The following KIF6 variants were observed in gnomAD, a reference collection of about 807,000 sequenced individuals.
The protein encoded by KIF6 is kinesin family member 6, also known as kinesin-like protein KIF6.
KIF6 carries 106 observed loss-of-function variants against 112.7 expected under a neutral mutation model. The observed-to-expected ratio is 0.94, with a 90% CI of 0.80 to 1.11. The LOEUF is 1.11. KIF6 is among the 50% of genes least tolerant of loss of function. The probability of loss-of-function intolerance (pLI) is 0.00; values close to 1 mark genes in which losing one functional copy is unlikely to be tolerated. For synonymous variants in KIF6, 339 were observed against 339.9 expected, an observed-to-expected ratio of 1.00 and a Z score of 0.03; for missense variants, 929 against 964.0, an observed-to-expected ratio of 0.96 and a Z score of 0.48.
intron 16 of KIF6, among the ~76,000 whole-genome samples, chr6:39,367,601 C>T (rs1294171064): frequency 6.6e-6 from 1 of 152,072 alleles, no homozygotes; most frequent in Non-Finnish European, 1.5e-5. Context: ...CACAGACGCA[C>T]AGTCCCAGGC....
chr6:39,720,532 G>A (rs1790149071), intron 2 of KIF6, among the ~76,000 whole-genome samples, 170 bp downstream of exon 2: 1 of 152,026 alleles, frequency 6.6e-6, no homozygotes, highest in Admixed American at 6.6e-5. Context: ...TTTTGACCTT[G>A]GGCACAGCAG....
intron 14 of KIF6, among the ~76,000 whole-genome samples, chr6:39,430,807 C>A (rs1320415978): frequency 1.3e-5 from 2 of 152,200 alleles, no homozygotes; most frequent in African/African-American, 4.8e-5. Flanking sequence ...TTGTAAATCA[C>A]GTTGATACTG....
intron 16 of KIF6, among the ~76,000 whole-genome samples, chr6:39,375,451 C>A (rs1267251883): frequency 6.6e-6 from 1 of 152,060 alleles, no homozygotes. Flanking sequence ...ACAATGTACC[C>A]CCAAAATATA....
chr6:39,340,086 G>A (rs1763240916), intron 22 of KIF6, among the ~76,000 whole-genome samples: 1 of 152,180 alleles, frequency 6.6e-6, no homozygotes, highest in South Asian at 2.1e-4. Context: ...GCCACATGGT[G>A]GGACCAGAAC....
In KIF6 at chr6:39,633,185, C is replaced by T. The variant is rs9369130; in HGVS notation, c.509+1664G>A. Among the ~76,000 whole-genome samples, 2,160 of 152,038 alleles carry T rather than the reference C, an allele frequency of 0.014. 110 individuals are homozygous for T. The East Asian group carries it at 0.15, about 11-fold the overall frequency. On this transcript the variant is annotated intron_variant, in intron 5 of 22. Transcript: ENST00000287152. ...TTAAAAATTATTTGTGGAATTGAAA[C>T]TGTGAAGCAGACGTTTTGAAATGAG...
intron 4 of KIF6, 140 bp from the exon 5 acceptor site, chr6:39,635,098 T>C: frequency 3.4e-6 from 2 of 581,840 alleles, no homozygotes; most frequent in Non-Finnish European, 6.1e-6. Context: ...TTTCAGTTCA[T>C]GACACTTTCA....
chr6:39,709,796 GA>G (rs1789432557), intron 3 of KIF6, among the ~76,000 whole-genome samples: 1 of 152,134 alleles, frequency 6.6e-6, no homozygotes, highest in Admixed American at 6.5e-5. Flanking sequence ...ATGTGTTCTT[GA>G]AGGCTAATCT....
At chr6:39,602,477 A>G (rs1782632611) in intron 6 of KIF6, among the ~76,000 whole-genome samples, 1 of 152,166 alleles carries the variant, frequency 6.6e-6, no homozygotes. Flanking sequence ...CCTTGAGGAC[A>G]GGGACTGTGT....
At chr6:39,613,524 A>G (rs1208515600) in intron 5 of KIF6, among the ~76,000 whole-genome samples, 3 of 152,182 alleles carry the variant, frequency 2.0e-5, no homozygotes, top group Non-Finnish European at 4.4e-5. Context: ...AGACTGAAAA[A>G]TATATTACAA....
At chr6:39,588,980 G>A (rs1033788859) in intron 7 of KIF6, among the ~76,000 whole-genome samples, 7 of 152,130 alleles carry the variant, frequency 4.6e-5, no homozygotes, top group African/African-American at 1.4e-4. Context: ...CACAATCTAA[G>A]TTATGCCAAG....
intron 13 of KIF6, among the ~76,000 whole-genome samples, chr6:39,479,428 G>C (rs1434761476): frequency 6.6e-6 from 1 of 151,868 alleles, no homozygotes; most frequent in African/African-American, 2.4e-5. Context: ...CTTAGTTCTG[G>C]GTTCTTTATT....
In KIF6 at chr6:39,345,685, G is replaced by GAGA. The variant is rs369828675; in HGVS notation, c.2321+12_2321+14dup. 5.5e-4 allele frequency: 886 copies of GAGA among 1,608,198 alleles called. No homozygotes were observed. Among genetic ancestry groups the GAGA allele is most frequent in the Non-Finnish European group, 5.9e-4 (696 of 1,176,592 alleles). ...GCAGGGGCTGTCACAGGCATAACAG[G>GAGA]AGAAGACCACAGACCTGTCTTCCAG... On this transcript the variant is annotated intron_variant, in intron 21 of 22. Coordinates refer to ENST00000287152, the MANE Select transcript of KIF6 (RefSeq NM_145027.6).
intron 13 of KIF6, among the ~76,000 whole-genome samples, chr6:39,480,257 A>ATAAAG (rs1774710685): frequency 6.6e-6 from 1 of 152,172 alleles, no homozygotes; most frequent in African/African-American, 2.4e-5. Flanking sequence ...GGTTTTAATC[A>ATAAAG]TAAAGTGATG....
chr6:39,425,383 T>A (rs1338171755), intron 14 of KIF6, among the ~76,000 whole-genome samples: 3 of 152,222 alleles, frequency 2.0e-5, no homozygotes, highest in Non-Finnish European at 4.4e-5. Context: ...CATAAACTTG[T>A]ACCTTGTACC....
At chr6:39,544,227 G>C (rs1401824731) in intron 12 of KIF6, among the ~76,000 whole-genome samples, 1 of 152,034 alleles carries the variant, frequency 6.6e-6, no homozygotes, top group Admixed American at 6.6e-5. Context: ...CTAACACAAA[G>C]AGAACACAAC....
intron 6 of KIF6, among the ~76,000 whole-genome samples, chr6:39,604,381 A>T (rs564993407): frequency 6.6e-6 from 1 of 152,230 alleles, no homozygotes; most frequent in East Asian, 1.9e-4. Flanking sequence ...GTGAGACCTG[A>T]CCAAACCTAG....
intron 6 of KIF6, among the ~76,000 whole-genome samples, chr6:39,600,456 A>G (rs1782510387): frequency 6.6e-6 from 1 of 152,200 alleles, no homozygotes; most frequent in Admixed American, 6.5e-5. Context: ...TGAAATGAGA[A>G]TGAGCATGAA....
At chr6:39,521,488 AG>A (rs1456744310) in intron 13 of KIF6, among the ~76,000 whole-genome samples, 3 of 152,186 alleles carry the variant, frequency 2.0e-5, no homozygotes, top group Non-Finnish European at 4.4e-5. Flanking sequence ...ACGGCCTCCA[AG>A]TCAGTGCCCC....
chr6:39,545,058 A>T (rs530199548), intron 11 of KIF6, among the ~76,000 whole-genome samples: 1 of 152,256 alleles, frequency 6.6e-6, no homozygotes, highest in Non-Finnish European at 1.5e-5. Flanking sequence ...TCTTTACAAC[A>T]TCTGTCATCT....
Sources: gnomAD v4.1 joint callset for allele counts (sites outside exome capture counted in the v4.1 genomes callset) on GRCh38, gnomAD v4.1.1 for gene constraint, MANE v1.5 for transcripts, NCBI Gene and HGNC (gene_info 2026-07-23, HGNC 2026-07-21) for gene names.